Variants in MIOS observed in about 807,000 individuals in gnomAD.
MIOS encodes the protein GATOR2 complex protein MIOS.
In MIOS, 52 loss-of-function variants were observed where a neutral mutation model predicts 96.9. That is an observed-to-expected ratio of 0.54 (90% CI 0.43 to 0.68). The LOEUF is 0.68. MIOS is among the 30% of genes least tolerant of loss of function. MIOS has a pLI of 0.00. For missense variants in MIOS, 1,005 were observed against 1,052.8 expected (o/e 0.95, Z 0.63); for synonymous variants, 397 against 359.5 (o/e 1.10, Z -1.18).
intron 7 of MIOS, among the ~76,000 whole-genome samples, chr7:7,587,131 C>G (rs377538709): frequency 2.0e-5 from 3 of 152,010 alleles, no homozygotes; most frequent in Admixed American, 1.3e-4. Context: ...GTGCCTCAGC[C>G]TCCCAAGTAG....
chr7:7,573,651 G>C lies in MIOS; in HGVS notation c.1176G>C (p.Thr392=), dbSNP rs1379573006. 1 of 1,613,874 alleles carries C rather than the reference G, an allele frequency of 6.2e-7. No individual in the cohort carries two copies. Among genetic ancestry groups the C allele is most frequent in the Admixed American group, 1.7e-5 (1 of 60,006 alleles). The change falls in exon 4 of 13, where the codon ACG becomes ACC. Residue 392 remains threonine, a synonymous_variant. Transcript: ENST00000340080. This position sits in a 1 kb window ranked among gnomAD's most constrained non-coding sequence, Gnocchi z 5.0. The part of the protein sequence containing the change: ...NDNSLEKDIA[T]KMRLRALSRY... The stretch of plus-strand genomic sequence containing the variant: ...ATTCTTTAGAAAAAGATATAGCAAC[G>C]AAGATGCGTCTTCGGGCTTTATCAA...
At chr7:7,583,417 A>G in intron 6 of MIOS, 45 bp downstream of exon 6, 1 of 1,487,324 alleles carries the variant, frequency 6.7e-7, no homozygotes. Flanking sequence ...CTAAGATGTT[A>G]GCAGTTCATG....
intron 11 of MIOS, among the ~76,000 whole-genome samples, chr7:7,597,517 T>TATATATAAAA (rs372634070): frequency 0.026 from 1,850 of 70,400 alleles, 581 homozygotes; most frequent in Non-Finnish European, 0.031. Flanking sequence ...TATATATATA[T>TATATATAAAA]GAAGGCAATA....
chr7:7,605,848 A>G, intron 11 of MIOS, 94 bp from the exon 12 acceptor site: 1 of 1,274,344 alleles, frequency 7.8e-7, no homozygotes, highest in South Asian at 1.6e-5. Context: ...TGTGTGATTC[A>G]TATTTGGAAC....
chr7:7,583,504 G>A, intron 6 of MIOS, 132 bp downstream of exon 6: 4 of 1,035,090 alleles, frequency 3.9e-6, no homozygotes, highest in Non-Finnish European at 5.3e-6. Flanking sequence ...TTTGTTGGAG[G>A]AGAAAACACA....
chr7:7,596,363 C>A lies in MIOS; in HGVS notation c.2303C>A (p.Thr768Lys), dbSNP rs191502849. 2.5e-6 allele frequency: 4 copies of A among 1,613,990 alleles called. No homozygotes were observed. Among genetic ancestry groups the A allele is most frequent in the Admixed American group, 3.3e-5 (2 of 60,006 alleles). The change falls in exon 11 of 13, where the codon ACG becomes AAG. Residue 768 changes from threonine (T) to lysine (K), a missense_variant. Coordinates refer to ENST00000340080, the MANE Select transcript of MIOS (RefSeq NM_019005.4). ...CAGTATGGTGTGAGTGGCTCACCAA[C>A]GAAATCTAAAGTCACAAGTTGTCCT... ...FSQYGVSGSP[T>K]KSKVTSCPGC... is the part of the protein sequence containing the mutation.
At chr7:7,582,841 A>G (rs1026338858) in intron 5 of MIOS, 2 of 313,562 alleles carry the variant, frequency 6.4e-6, no homozygotes, top group Non-Finnish European at 1.1e-5. Flanking sequence ...AATAACAAGT[A>G]TGTCTATTTT....
intron 5 of MIOS, among the ~76,000 whole-genome samples, chr7:7,580,428 T>A (rs1479003576): frequency 6.6e-6 from 1 of 152,194 alleles, no homozygotes; most frequent in Non-Finnish European, 1.5e-5. Context: ...CTCCTTGACC[T>A]GAATTGGCAA....
intron 9 of MIOS, among the ~76,000 whole-genome samples, 199 bp downstream of exon 9, chr7:7,589,762 C>A (rs17168783): frequency 0.14 from 21,441 of 152,068 alleles, 1,674 homozygotes; most frequent in East Asian, 0.28. Flanking sequence ...CCAGTTTTTC[C>A]TTTCAGTCTG....
At chr7:7,595,317 G>C (rs74404171) in intron 10 of MIOS, among the ~76,000 whole-genome samples, 185 bp downstream of exon 10, 3,139 of 152,168 alleles carry the variant, frequency 0.021, 99 homozygotes, top group African/African-American at 0.072. Flanking sequence ...CATCTCAGTG[G>C]CTTGAGCTTT....
chr7:7,607,146 CT>C lies in MIOS; in HGVS notation c.*56del. On this transcript the variant is annotated 3_prime_UTR_variant, in exon 13 of 13. Transcript: ENST00000340080. ...AGTGTGGAGCTTTCTAGTAGGTGTC[CT>C]TCATAGCTCAGAAACATACCTCAGA... 7.4e-7 allele frequency: 1 copy of C among 1,353,674 alleles called. No homozygotes were observed. Among genetic ancestry groups the C allele is most frequent in the Non-Finnish European group, 1.0e-6 (1 of 965,216 alleles). 83.9% of individuals were successfully genotyped at this position (1,353,674 alleles called of 1,614,324 possible). A position where few individuals can be genotyped will look rare whatever the true frequency, so the allele number is the denominator to read the frequency against.
rs189736230 is a variant in MIOS at position 7,605,785 on chromosome 7, G to C, written c.2402-157G>C. ...AATGTAGGGGAGCTTCTGTCATTCA[G>C]TTTCGCTTCATCTAAACTAGAACCT... On this transcript the variant is annotated intron_variant, in intron 11 of 12. Coordinates refer to ENST00000340080, the MANE Select transcript of MIOS (RefSeq NM_019005.4). 9 of 622,428 alleles carry C rather than the reference G, an allele frequency of 1.4e-5. No individual in the cohort carries two copies. In the East Asian group the frequency reaches 2.8e-4, roughly 19 times the overall value. 38.6% of individuals were successfully genotyped at this position (622,428 alleles called of 1,614,324 possible).
At chr7:7,595,159 A>G (rs1259069529) in intron 10 of MIOS, 27 bp downstream of exon 10, 1 of 1,588,690 alleles carries the variant, frequency 6.3e-7, no homozygotes, top group East Asian at 2.3e-5. Context: ...GGAGAAAATC[A>G]AATTGTAACA....
chr7:7,585,900 A>T, intron 7 of MIOS, 95 bp downstream of exon 7: 2 of 1,156,622 alleles, frequency 1.7e-6, no homozygotes, highest in Non-Finnish European at 2.4e-6. Flanking sequence ...TGCATAAAAT[A>T]TTATATTTTT....
chr7:7,606,997 G>C lies in MIOS; in HGVS notation c.2533G>C (p.Asp845His). ...CTGTTATTTGACCTATTTTTTTAGGGACCATGCAGAGTGCCCTGTGTCGGC... is the reference window on the plus strand; with the variant it reads ...CTGTTATTTGACCTATTTTTTTAGGCACCATGCAGAGTGCCCTGTGTCGGC... ...HAGHMLSWFR[D>H]HAECPVSACT... The change falls in exon 13 of 13, where the codon GAC becomes CAC. Residue 845 changes from aspartate (D) to histidine (H), a missense_variant and splice_region_variant. Physicochemically the swap from Asp to His is moderately conservative, Grantham distance 81. Coordinates refer to ENST00000340080, the MANE Select transcript of MIOS (RefSeq NM_019005.4). The C allele has an allele frequency of 6.2e-7, 1 of 1,606,126 alleles. No individual in the cohort carries two copies. Among genetic ancestry groups the C allele is most frequent in the Non-Finnish European group, 8.5e-7 (1 of 1,176,436 alleles).
At chr7:7,601,350 G>C (rs192075128) in intron 11 of MIOS, among the ~76,000 whole-genome samples, 1 of 150,400 alleles carries the variant, frequency 6.6e-6, no homozygotes, top group African/African-American at 2.4e-5. Context: ...AGAAAAGAGA[G>C]AAAAATCAAA....
intron 9 of MIOS, among the ~76,000 whole-genome samples, chr7:7,591,984 ATT>A (rs10715476): frequency 7.1e-4 from 103 of 145,596 alleles, no homozygotes; most frequent in Non-Finnish European, 7.1e-4. Context: ...AAATTGGTTA[ATT>A]TTTTTTTTTT....
intron 2 of MIOS, 95 bp downstream of exon 2, chr7:7,567,783 C>G (rs1783195355): frequency 6.6e-6 from 1 of 152,136 alleles, no homozygotes; most frequent in Non-Finnish European, 1.5e-5. Context: ...TGTCCAGTAG[C>G]CACATGGGAT....
intron 8 of MIOS, 44 bp from the exon 9 acceptor site, chr7:7,589,361 T>G (rs1464690550): frequency 6.4e-7 from 1 of 1,573,674 alleles, no homozygotes; most frequent in Non-Finnish European, 8.7e-7. Context: ...ACAAAATACA[T>G]AGTGAAACAG....
Sources: allele counts gnomAD v4.1 joint callset (sites outside exome capture counted in the v4.1 genomes callset), GRCh38; gene constraint gnomAD v4.1.1; non-coding constraint Gnocchi (gnomAD v3.1); transcripts MANE v1.5; gene names NCBI Gene and HGNC (gene_info 2026-07-23, HGNC 2026-07-21).